The following SCNN1A variants were observed in gnomAD, a reference collection of about 807,000 sequenced individuals.
SCNN1A encodes the protein sodium channel epithelial 1 subunit alpha, also known as epithelial sodium channel subunit alpha.
A neutral mutation model predicts 68.6 loss-of-function variants in SCNN1A; 65 were observed. The ratio of observed to expected loss-of-function variants is 0.95; its 90% CI spans 0.78 to 1.16. The LOEUF is 1.16. Ranked by LOEUF, SCNN1A falls within the 50% of genes most tolerant of loss-of-function variation. The pLI is 0.00. For synonymous variants in SCNN1A, 357 were observed against 353.3 expected (o/e 1.01, Z -0.12); for missense variants, 880 against 865.9 (o/e 1.02, Z -0.20).
chr12:6,348,774 A>G lies in SCNN1A; in HGVS notation c.1582T>C (p.Phe528Leu). Residue 528 changes from phenylalanine (F) to leucine (L), a missense_variant, in exon 12 of 13, where the codon TTC becomes CTC. Physicochemically the swap from Phe to Leu is conservative, Grantham distance 22. Transcript: ENST00000228916. ...TTGGTTTTGTAGTTCAGCTCCTTGA[A>G]GAAGATGTTGACTTTGGCCACTCCA... ...RNGVAKVNIF[F>L]KELNYKTNSE... is the part of the protein sequence containing the mutation. The G allele has an allele frequency of 3.1e-6, 5 of 1,613,690 alleles. No individual in the cohort carries two copies. The highest frequency in any genetic ancestry group is 4.2e-6 in the Non-Finnish European group (5 of 1,179,808).
rs1303174542 is a variant in SCNN1A, at chr12:6,349,161, T to C, written c.1497+3A>G. The stretch of plus-strand genomic sequence containing the variant: ...CCCCACCCATCCCTTCCCCACACTC[T>C]ACCTGGGATGTCACCGAGGGCCATC... On this transcript the variant is annotated splice_donor_region_variant and intron_variant, in intron 10 of 12. Transcript: ENST00000228916. 1.2e-6 allele frequency: 2 copies of C among 1,612,978 alleles called. No homozygotes were observed. The highest frequency in any genetic ancestry group is 1.7e-5 in the Admixed American group (1 of 60,012).
intron 5 of SCNN1A, 109 bp downstream of exon 5, chr12:6,355,668 G>C: frequency 3.2e-6 from 3 of 934,836 alleles, no homozygotes; most frequent in Non-Finnish European, 5.3e-6. Flanking sequence ...CTATTGGGGA[G>C]AGACAGCAGG....
intron 4 of SCNN1A, among the ~76,000 whole-genome samples, chr12:6,361,683 C>T (rs1339923877): frequency 6.6e-6 from 1 of 152,114 alleles, no homozygotes; most frequent in Non-Finnish European, 1.5e-5. Context: ...GTGAAGGTTG[C>T]AGACAGCCGA....
rs770990050 is a variant in SCNN1A at position 6,355,336 on chromosome 12, G to A, written c.1079C>T (p.Ala360Val). ...GTTAAAGCCACCATCATCCATAAAG[G>A]CAGGTTCATCCTGCCCGTGCACCAT... ...RVMVHGQDEP[A>V]FMDDGGFNLR... Residue 360 changes from alanine to valine, a missense_variant, in exon 6 of 13, where the codon GCC (alanine) becomes GTC (valine). By Grantham distance (64) the Ala-to-Val change is moderately conservative. Transcript: ENST00000228916. 3.7e-6 allele frequency: 6 copies of A among 1,613,896 alleles called. No homozygotes were observed. The highest frequency in any genetic ancestry group is 2.2e-5 in the South Asian group (2 of 91,004).
intron 1 of SCNN1A, 92 bp downstream of exon 1, chr12:6,375,413 C>A: frequency 6.6e-7 from 1 of 1,519,402 alleles, no homozygotes. Flanking sequence ...GAGGTCTGGG[C>A]TGCCTCCAGC....
At chr12:6,349,493 C>T in intron 8 of SCNN1A, 88 bp from the exon 9 acceptor site, 1 of 891,844 alleles carries the variant, frequency 1.1e-6, no homozygotes, top group South Asian at 1.4e-5. Flanking sequence ...TCCCTGGGTA[C>T]CCACTTTACA....
At chr12:6,369,364 CGCCT>C (rs1407725464) in intron 2 of SCNN1A, among the ~76,000 whole-genome samples, 2 of 131,502 alleles carry the variant, frequency 1.5e-5, no homozygotes, top group Non-Finnish European at 3.3e-5. Flanking sequence ...CCACCCTACG[CGCCT>C]CCCTCCTGCC....
intron 8 of SCNN1A, among the ~76,000 whole-genome samples, chr12:6,352,585 GT>G (rs1948405924): frequency 1.3e-5 from 2 of 152,202 alleles, no homozygotes; most frequent in South Asian, 4.1e-4. Flanking sequence ...GAAATCACAG[GT>G]GGCATCTCCT....
chr12:6,362,973 G>A (rs913903059), intron 3 of SCNN1A, among the ~76,000 whole-genome samples: 1 of 124,800 alleles, frequency 8.0e-6, no homozygotes, highest in Non-Finnish European at 1.7e-5. Context: ...ATGAGCCACC[G>A]CCCCCAGCTA....
chr12:6,347,700 A>T lies in SCNN1A; in HGVS notation c.*173T>A. 1.5e-6 allele frequency: 1 copy of T among 652,370 alleles called. No individual in the cohort carries two copies. The highest frequency in any genetic ancestry group is 2.8e-6 in the Non-Finnish European group (1 of 362,060). The allele number at this position is 652,370 out of a possible 1,614,324, so 40.4% of individuals were successfully genotyped here. A position where few individuals can be genotyped will look rare whatever the true frequency, so the allele number is the denominator to read the frequency against. ...GCACTTCTGGGCAGCTTCATCAGCT[A>T]CTGTTCTTGGAGCAACTTCCTGAGC... is the stretch of plus-strand genomic sequence containing the variant. On this transcript the variant is annotated 3_prime_UTR_variant, in exon 13 of 13. Coordinates refer to ENST00000228916, the MANE Select transcript of SCNN1A (RefSeq NM_001038.6).
rs1267808395 is a variant in SCNN1A at position 6,374,286 on chromosome 12, T to A, written c.416+82A>T. 1.4e-6 allele frequency: 2 copies of A among 1,464,560 alleles called. No homozygotes were observed. Among genetic ancestry groups the A allele is most frequent in the Non-Finnish European group, 1.9e-6 (2 of 1,068,704 alleles). 90.7% of individuals were successfully genotyped at this position (1,464,560 alleles called of 1,614,324 possible). On this transcript the variant is annotated intron_variant, in intron 2 of 12. Transcript: ENST00000228916. The surrounding 1 kb of genome is among the most constrained non-coding windows in gnomAD (Gnocchi z 6.2). ...GTTCCCACCCTCAGGTCTGAGGCTC[T>A]GCCTGCCCAGTGAGCACCTCAGCAC...
In SCNN1A at chr12:6,347,865, C is replaced by T. The variant is rs1163280896; in HGVS notation, c.*8G>A. 6.3e-7 allele frequency: 1 copy of T among 1,599,288 alleles called. No individual in the cohort carries two copies. The highest frequency in any genetic ancestry group is 8.5e-7 in the Non-Finnish European group (1 of 1,172,746). On this transcript the variant is annotated 3_prime_UTR_variant, in exon 13 of 13. Transcript: ENST00000228916. ...TCTGCCTTGGTGTGAGAAACCTCTC[C>T]TTCCCTCTCAGGGCCCCCCCAGAGG...
At chr12:6,355,192 C>G in intron 6 of SCNN1A, 80 bp downstream of exon 6, 2 of 1,496,288 alleles carry the variant, frequency 1.3e-6, no homozygotes, top group East Asian at 4.8e-5. Flanking sequence ...CATGCTCTCC[C>G]TCTCCAGCCT....
chr12:6,354,639 C>G, intron 7 of SCNN1A, 84 bp from the exon 8 acceptor site: 2 of 1,415,424 alleles, frequency 1.4e-6, no homozygotes, highest in Non-Finnish European at 2.0e-6. Flanking sequence ...CCTCTTTCCA[C>G]CACCCCCCAG....
chr12:6,364,080 C>G (rs984345283), intron 2 of SCNN1A: 1 of 177,892 alleles, frequency 5.6e-6, no homozygotes, highest in Non-Finnish European at 1.2e-5. Context: ...GGCGTGACCG[C>G]GGTACCCAGG....
At chr12:6,358,886 G>A (rs1357020689) in intron 4 of SCNN1A, among the ~76,000 whole-genome samples, 1 of 147,752 alleles carries the variant, frequency 6.8e-6, no homozygotes, top group Non-Finnish European at 1.5e-5. Flanking sequence ...AAAAGGTGGT[G>A]TATCTACACA....
chr12:6,359,056 CAGAAAGCAGA>C (rs1200818869), intron 4 of SCNN1A, among the ~76,000 whole-genome samples: 3 of 152,000 alleles, frequency 2.0e-5, no homozygotes, highest in African/African-American at 7.2e-5. Flanking sequence ...TCCATAGAGA[CAGAAAGCAGA>C]AGAGTGGCTC....
At chr12:6,363,784 CTCA>C in intron 2 of SCNN1A, 74 bp from the exon 3 acceptor site, 1 of 1,408,280 alleles carries the variant, frequency 7.1e-7, no homozygotes, top group East Asian at 2.6e-5. Flanking sequence ...GGTCAGGGTC[CTCA>C]TCTGTGCCCC....
intron 8 of SCNN1A, 55 bp from the exon 9 acceptor site, chr12:6,349,460 C>A: frequency 7.6e-7 from 1 of 1,318,798 alleles, no homozygotes; most frequent in South Asian, 1.3e-5. Flanking sequence ...TTCTCTACCC[C>A]ACACCCAAGA....
Sources: allele counts gnomAD v4.1 joint callset (sites outside exome capture counted in the v4.1 genomes callset), GRCh38; gene constraint gnomAD v4.1.1; non-coding constraint Gnocchi (gnomAD v3.1); transcripts MANE v1.5; gene names NCBI Gene and HGNC (gene_info 2026-07-23, HGNC 2026-07-21).